The following RNF4 variants were observed in gnomAD, a reference collection of about 807,000 sequenced individuals.
RNF4 encodes the protein E3 ubiquitin-protein ligase RNF4.
In RNF4, 7 loss-of-function variants were observed where a neutral mutation model predicts 24.3. The ratio of observed to expected loss-of-function variants is 0.29; its 90% CI spans 0.16 to 0.54. The LOEUF (loss-of-function observed/expected upper bound fraction) is 0.54. RNF4 is among the 20% of genes least tolerant of loss of function. The pLI, the probability that RNF4 is intolerant of heterozygous loss-of-function variation, is 0.95. For synonymous variants in RNF4, 83 were observed against 84.3 expected, an observed-to-expected ratio of 0.98 and a Z score of 0.09; for missense variants, 209 against 248.5, an observed-to-expected ratio of 0.84 and a Z score of 1.07.
At chr4:2,483,831 T>TTTTA (rs957819604) in intron 1 of RNF4, among the ~76,000 whole-genome samples, 2 of 151,840 alleles carry the variant, frequency 1.3e-5, no homozygotes, top group Non-Finnish European at 2.9e-5. Context: ...TTTTATTGAT[T>TTTTA]TTTATTTATT....
rs1735012668 is a variant in RNF4, at chr4:2,474,670, C to A, written c.-158+5412C>A. Reference sequence around the variant, plus strand: ...AAATGCTGTCACACAGCATTGCACGCTACAGAGAAATCTTTCATGAAAGGA... The same window carrying A: ...AAATGCTGTCACACAGCATTGCACGATACAGAGAAATCTTTCATGAAAGGA... On this transcript the variant is annotated intron_variant, in intron 1 of 7. Transcript: ENST00000314289. Among the ~76,000 whole-genome samples, 5 of 152,258 alleles carry A rather than the reference C, an allele frequency of 3.3e-5. No homozygotes were observed. In the South Asian group the frequency reaches 8.3e-4, roughly 25 times the overall value.
At chr4:2,480,914 A>C (rs1378946928) in intron 1 of RNF4, 1 of 152,178 alleles carries the variant, frequency 6.6e-6, no homozygotes, top group Non-Finnish European at 1.5e-5. Context: ...GTTTGGAAAG[A>C]TGAGTTTGTT....
rs1480910799 is a variant in RNF4, at chr4:2,512,635, G to A, written c.374+38G>A. On this transcript the variant is annotated intron_variant, in intron 6 of 7. Coordinates refer to ENST00000314289, the MANE Select transcript of RNF4 (RefSeq NM_002938.5). This position sits in a 1 kb window ranked among gnomAD's most constrained non-coding sequence, Gnocchi z 4.1. ...CCCCAGCTCTGCTGCCGCCATGCTA[G>A]GATGTGGGGCCAGGGCATGGGAATA... 6.2e-7 allele frequency: 1 copy of A among 1,608,632 alleles called. No individual in the cohort carries two copies. Among genetic ancestry groups the A allele is most frequent in the Non-Finnish European group, 8.5e-7 (1 of 1,176,990 alleles).
At chr4:2,469,393 C>G (rs994098940) in intron 1 of RNF4, 135 bp downstream of exon 1, 1 of 152,230 alleles carries the variant, frequency 6.6e-6, no homozygotes, top group African/African-American at 2.4e-5. Flanking sequence ...CTCGAGCCAG[C>G]TCTGGTCGCT....
In RNF4 at chr4:2,501,005, G is replaced by A. The variant is rs1244098781; in HGVS notation, c.204+267G>A. 2.0e-5 allele frequency among the ~76,000 whole-genome samples: 3 copies of A among 152,346 alleles called. No homozygotes were observed. In the East Asian group the frequency reaches 5.8e-4, roughly 29 times the overall value. The stretch of plus-strand genomic sequence containing the variant: ...TTATAGCCTTGTCGCCTATGGAGTA[G>A]GTCTGTGTAACCTGACCTTGCCACA... On this transcript the variant is annotated intron_variant, in intron 4 of 7. Transcript: ENST00000314289.
At chr4:2,474,321 C>T (rs1317444397) in intron 1 of RNF4, among the ~76,000 whole-genome samples, 4 of 148,632 alleles carry the variant, frequency 2.7e-5, no homozygotes, top group South Asian at 4.2e-4. Flanking sequence ...GAGGTTGCAG[C>T]GAGCCGAAAT....
chr4:2,498,115 A>G (rs1052409608), intron 3 of RNF4, among the ~76,000 whole-genome samples: 1 of 152,180 alleles, frequency 6.6e-6, no homozygotes, highest in Non-Finnish European at 1.5e-5. Flanking sequence ...GCTTTCCGTC[A>G]TGGCACTTGT....
chr4:2,503,354 A>C (rs138432590), intron 4 of RNF4, among the ~76,000 whole-genome samples: 136 of 152,256 alleles, frequency 8.9e-4, no homozygotes, highest in Non-Finnish European at 1.8e-3. Flanking sequence ...CCCGGGGACC[A>C]GGAATATTGG....
At position 2,514,283 on chromosome 4, in the gene RNF4, G is replaced by C. The variant is rs1430063227; in HGVS notation, c.*464G>C. 1 of 179,734 alleles carries C rather than the reference G, an allele frequency of 5.6e-6. No individual in the cohort carries two copies. Among genetic ancestry groups the C allele is most frequent in the Non-Finnish European group, 1.2e-5 (1 of 83,360 alleles). 11.1% of individuals were successfully genotyped at this position (179,734 alleles called of 1,614,324 possible). On this transcript the variant is annotated 3_prime_UTR_variant, in exon 8 of 8. Transcript: ENST00000314289. Reference sequence around the variant, plus strand: ...ATCCCAGGTTGAAGAGTGGCCCCTTGAGGCCCTGGAAAGACCAATCACTGG... The same window carrying C: ...ATCCCAGGTTGAAGAGTGGCCCCTTCAGGCCCTGGAAAGACCAATCACTGG...
intron 2 of RNF4, among the ~76,000 whole-genome samples, chr4:2,496,771 GT>G: frequency 6.6e-6 from 1 of 152,236 alleles, no homozygotes; most frequent in South Asian, 2.1e-4. Flanking sequence ...CCTGCTGATA[GT>G]TTGATAAAAC....
intron 4 of RNF4, among the ~76,000 whole-genome samples, chr4:2,501,133 CTT>C (rs1735897746): frequency 6.6e-6 from 1 of 152,214 alleles, no homozygotes; most frequent in Non-Finnish European, 1.5e-5. Context: ...GGGCATGTGA[CTT>C]AGCCTCATTC....
At chr4:2,470,706 TCTC>T (rs779341282) in intron 1 of RNF4, among the ~76,000 whole-genome samples, 11 of 152,190 alleles carry the variant, frequency 7.2e-5, no homozygotes, top group Admixed American at 2.6e-4. Context: ...ATTTTTGAGG[TCTC>T]CTGTATGCCA....
intron 1 of RNF4, among the ~76,000 whole-genome samples, chr4:2,489,183 A>T (rs1441348535): frequency 6.6e-6 from 1 of 152,168 alleles, no homozygotes; most frequent in African/African-American, 2.4e-5. Flanking sequence ...GCCTGGCTCC[A>T]CACACCATGC....
In RNF4 at chr4:2,469,196, CG is replaced by C. The variant is rs1252381583; in HGVS notation, c.-218del. On this transcript the variant is annotated 5_prime_UTR_variant, in exon 1 of 8. Coordinates refer to ENST00000314289, the MANE Select transcript of RNF4 (RefSeq NM_002938.5). ...AAGGAGCTTCTTCTCCGGAGTGCGCCGGCGGTGGCGCCTGCGGACCTAACTA... is the reference window on the plus strand; with the variant it reads ...AAGGAGCTTCTTCTCCGGAGTGCGCCGCGGTGGCGCCTGCGGACCTAACTA... 2 of 152,184 alleles carry C rather than the reference CG, an allele frequency of 1.3e-5. No homozygotes were observed. The highest frequency in any genetic ancestry group is 2.4e-5 in the African/African-American group (1 of 41,432). 9.4% of individuals were successfully genotyped at this position (152,184 alleles called of 1,614,324 possible). A position where few individuals can be genotyped will look rare whatever the true frequency, so the allele number is the denominator to read the frequency against.
intron 1 of RNF4, among the ~76,000 whole-genome samples, chr4:2,476,151 G>T (rs1283227665): frequency 6.6e-5 from 10 of 152,096 alleles, no homozygotes; most frequent in Non-Finnish European, 1.5e-4. Flanking sequence ...TTGTCCTAGG[G>T]CCTAGGCATT....
In RNF4 at chr4:2,512,538, C is replaced by T. The variant is rs559569145; in HGVS notation, c.315C>T (p.Asp105=). The part of the protein sequence containing the change: ...SDDEELSRDR[D]VYVTTHTPRN... Reference sequence around the variant, plus strand: ...ATGAGGAGTTGTCCAGGGACAGAGACGTATATGTGACTACCCATACTCCCA... The same window carrying T: ...ATGAGGAGTTGTCCAGGGACAGAGATGTATATGTGACTACCCATACTCCCA... Residue 105 remains aspartate, a synonymous_variant, in exon 6 of 8, where the codon GAC becomes GAT. Coordinates refer to ENST00000314289, the MANE Select transcript of RNF4 (RefSeq NM_002938.5). This position sits in a 1 kb window ranked among gnomAD's most constrained non-coding sequence, Gnocchi z 4.1. 227 of 1,613,872 alleles carry T rather than the reference C, an allele frequency of 1.4e-4. 5 individuals carry two copies. The Middle Eastern group carries it at 3.1e-3, about 22-fold the overall frequency.
chr4:2,503,774 A>G (rs1735986307), intron 4 of RNF4, among the ~76,000 whole-genome samples: 1 of 152,144 alleles, frequency 6.6e-6, no homozygotes, highest in African/African-American at 2.4e-5. Flanking sequence ...AGAGTATAAA[A>G]TGGATAAATG....
chr4:2,478,896 C>G (rs930372932), intron 1 of RNF4, among the ~76,000 whole-genome samples: 4 of 152,184 alleles, frequency 2.6e-5, no homozygotes, highest in African/African-American at 9.7e-5. Context: ...ATGATAGATC[C>G]ACTGACAGCT....
At chr4:2,469,618 G>A (rs1314721940) in intron 1 of RNF4, 1 of 152,232 alleles carries the variant, frequency 6.6e-6, no homozygotes, top group African/African-American at 2.4e-5. Context: ...GGAAGACCCG[G>A]GCAGGGTTTT....
Sources: allele counts gnomAD v4.1 joint callset (sites outside exome capture counted in the v4.1 genomes callset), GRCh38; gene constraint gnomAD v4.1.1; non-coding constraint Gnocchi (gnomAD v3.1); transcripts MANE v1.5; gene names NCBI Gene and HGNC (gene_info 2026-07-23, HGNC 2026-07-21).